The following EYS variants were observed in gnomAD, a reference collection of about 807,000 sequenced individuals.
EYS encodes protein eyes shut homolog.
In EYS, 250 loss-of-function variants were observed where a neutral mutation model predicts 282.1. That is an observed-to-expected ratio of 0.89 (90% CI 0.80 to 0.98). EYS has a LOEUF of 0.98. Among genes scored for constraint, EYS ranks in the 50% least tolerant of loss-of-function variants. The pLI is 0.00. For missense variants in EYS, 4,016 were observed against 3,709.0 expected, an observed-to-expected ratio of 1.08 and a Z score of -2.15; for synonymous variants, 1,355 against 1,282.9, an observed-to-expected ratio of 1.06 and a Z score of -1.20.
intron 23 of EYS, among the ~76,000 whole-genome samples, chr6:64,622,026 G>C (rs1370596984): frequency 6.6e-6 from 1 of 152,226 alleles, no homozygotes; most frequent in South Asian, 2.1e-4. Flanking sequence ...TACCTATATT[G>C]ATACTTCATT....
intron 12 of EYS, among the ~76,000 whole-genome samples, chr6:65,195,279 A>G (rs1765737020): frequency 6.6e-6 from 1 of 152,062 alleles, no homozygotes; most frequent in Admixed American, 6.6e-5. Context: ...TCCATCATCA[A>G]CTTGTAAGTT....
chr6:63,763,660 G>C (rs1935579839), intron 40 of EYS, among the ~76,000 whole-genome samples: 2 of 151,624 alleles, frequency 1.3e-5, no homozygotes, highest in South Asian at 4.2e-4. Context: ...ATGTTAGGAA[G>C]GACATGTTTG....
intron 30 of EYS, among the ~76,000 whole-genome samples, chr6:64,301,221 A>C (rs1769220824): frequency 6.6e-6 from 1 of 152,218 alleles, no homozygotes; most frequent in Non-Finnish European, 1.5e-5. Flanking sequence ...AGAATTTACT[A>C]GGCGATATTA....
In EYS at chr6:65,051,877, CAATATT is replaced by C. The variant is rs139516009; in HGVS notation, c.2137+5731_2137+5736del. ...ACAGTATCACTGATATATTAATAGG[CAATATT>C]AATATTAATAGGCAATTTGAGTATT... On this transcript the variant is annotated intron_variant, in intron 13 of 42. Coordinates refer to ENST00000503581, the MANE Select transcript of EYS (RefSeq NM_001142800.2). Among the ~76,000 whole-genome samples, 62 of 151,546 alleles carry C rather than the reference CAATATT, an allele frequency of 4.1e-4. No individual in the cohort carries two copies. The East Asian group carries it at 9.9e-3, about 24-fold the overall frequency.
At chr6:65,379,696 A>C (rs1030318469) in intron 8 of EYS, among the ~76,000 whole-genome samples, 3 of 152,044 alleles carry the variant, frequency 2.0e-5, no homozygotes, top group African/African-American at 7.2e-5. Flanking sequence ...TGCAGAATAC[A>C]TGATTGTATA....
At chr6:64,122,188 A>G (rs1041441251) in intron 31 of EYS, among the ~76,000 whole-genome samples, 13 of 152,130 alleles carry the variant, frequency 8.5e-5, no homozygotes, top group African/African-American at 3.1e-4. Flanking sequence ...AATAGTGAAA[A>G]ATTAGTAAAT....
chr6:63,828,522 C>T (rs1771535724), intron 36 of EYS, among the ~76,000 whole-genome samples: 2 of 152,042 alleles, frequency 1.3e-5, no homozygotes, highest in African/African-American at 4.8e-5. Flanking sequence ...ATTACATAAC[C>T]TGAAGAGAAC....
intron 35 of EYS, among the ~76,000 whole-genome samples, chr6:63,869,309 T>G (rs2149711848): frequency 6.6e-6 from 1 of 152,274 alleles, no homozygotes; most frequent in East Asian, 1.9e-4. Flanking sequence ...TGTAGGCATT[T>G]TGCAAAGAAA....
rs1202739124 is a variant in EYS, at chr6:64,766,647, AAAATATATATATAT to A, written c.3443+46717_3443+46730del. Among the ~76,000 whole-genome samples, 5 of 11,954 alleles carry A rather than the reference AAAATATATATATAT, an allele frequency of 4.2e-4. No individual in the cohort carries two copies. The East Asian group carries it at 9.1e-3, about 22-fold the overall frequency. 7.8% of individuals were successfully genotyped at this position (11,954 alleles called of 152,430 possible). ...ACTCCGTCTCAAAAAAAAAAAAAAA[AAAATATATATATAT>A]ATATATATATATATATATATATAAA... On this transcript the variant is annotated intron_variant, in intron 22 of 42. Transcript: ENST00000503581.
chr6:64,372,206 T>G (rs1772403813), intron 29 of EYS, among the ~76,000 whole-genome samples: 1 of 147,970 alleles, frequency 6.8e-6, no homozygotes, highest in Non-Finnish European at 1.5e-5. Context: ...TAGCCCTCCC[T>G]TCAGGACTTT....
At chr6:64,015,626 C>T (rs534312043) in intron 33 of EYS, among the ~76,000 whole-genome samples, 5 of 152,054 alleles carry the variant, frequency 3.3e-5, no homozygotes, top group African/African-American at 9.6e-5. Flanking sequence ...TGATCGAATG[C>T]CTATTATATA....
At chr6:63,725,516 T>C (rs970956070) in intron 42 of EYS, among the ~76,000 whole-genome samples, 1 of 152,132 alleles carries the variant, frequency 6.6e-6, no homozygotes, top group Non-Finnish European at 1.5e-5. Flanking sequence ...AGAAAATTTA[T>C]GTTTGTATGT....
At chr6:65,698,844 A>C (rs1769551644) in intron 1 of EYS, among the ~76,000 whole-genome samples, 1 of 152,190 alleles carries the variant, frequency 6.6e-6, no homozygotes. Flanking sequence ...AGAAACCATT[A>C]AACATGGATT....
At chr6:64,339,066 T>C (rs1365551088) in intron 29 of EYS, among the ~76,000 whole-genome samples, 1 of 151,994 alleles carries the variant, frequency 6.6e-6, no homozygotes, top group Non-Finnish European at 1.5e-5. Flanking sequence ...CTTCTAGACA[T>C]TGGCTTAGGC....
chr6:65,200,000 T>C (rs624392), intron 12 of EYS, among the ~76,000 whole-genome samples: 3,290 of 152,206 alleles, frequency 0.022, 106 homozygotes, highest in African/African-American at 0.075. Context: ...TACTCTGTTA[T>C]CTTATTTTGA....
intron 9 of EYS, among the ~76,000 whole-genome samples, chr6:65,345,033 T>C (rs1187950051): frequency 6.6e-6 from 1 of 151,548 alleles, no homozygotes; most frequent in Non-Finnish European, 1.5e-5. Flanking sequence ...TCTTGGAAAA[T>C]AGAATGTAAG....
chr6:65,213,446 A>G (rs1184779571), intron 12 of EYS, among the ~76,000 whole-genome samples: 1 of 152,162 alleles, frequency 6.6e-6, no homozygotes, highest in Non-Finnish European at 1.5e-5. Context: ...TGTTTGTGGA[A>G]ACCCTGCACT....
chr6:65,500,815 T>A (rs147585530), intron 2 of EYS, among the ~76,000 whole-genome samples: 34 of 151,936 alleles, frequency 2.2e-4, no homozygotes, highest in African/African-American at 8.0e-4. Flanking sequence ...ATGAAGTGAT[T>A]GTAGGGAATG....
At chr6:64,269,622 T>A (rs551594666) in intron 30 of EYS, among the ~76,000 whole-genome samples, 2 of 152,210 alleles carry the variant, frequency 1.3e-5, no homozygotes, top group Non-Finnish European at 2.9e-5. Flanking sequence ...ATACATTAGA[T>A]GTATACATAT....
Sources: gnomAD v4.1 joint callset for allele counts (sites outside exome capture counted in the v4.1 genomes callset) on GRCh38, gnomAD v4.1.1 for gene constraint, MANE v1.5 for transcripts, NCBI Gene and HGNC (gene_info 2026-07-23, HGNC 2026-07-21) for gene names.